SLC27A4: variants seen among roughly 807,000 people sequenced by gnomAD.
SLC27A4 encodes the protein solute carrier family 27 member 4.
Under a neutral mutation model 64.4 loss-of-function variants are expected in SLC27A4, and 33 were observed. The ratio of observed to expected loss-of-function variants is 0.51; its 90% confidence interval spans 0.39 to 0.68. The LOEUF (loss-of-function observed/expected upper bound fraction) is 0.68, where lower values mean the gene tolerates loss of function less well. Ranked by LOEUF, SLC27A4 falls within the 30% of genes least tolerant of loss-of-function variation. The pLI is 0.00. For missense variants in SLC27A4, 824 were observed against 883.5 expected (o/e 0.93, Z 0.85); for synonymous variants, 377 against 370.0 (o/e 1.02, Z -0.22).
intron 1 of SLC27A4, among the ~76,000 whole-genome samples, chr9:128,341,869 G>T (rs528776307): frequency 6.6e-6 from 1 of 152,192 alleles, no homozygotes; most frequent in Non-Finnish European, 1.5e-5. Context: ...CTCCTGAGTA[G>T]CTGGGGTTAC....
In SLC27A4 at chr9:128,360,292, G is replaced by A. The variant is rs370271117; in HGVS notation, c.1775-42G>A. 1.9e-5 allele frequency: 30 copies of A among 1,612,264 alleles called. No homozygotes were observed. The African/African-American group carries it at 2.5e-4, about 14-fold the overall frequency. ...CTGGTGGTTGGGAAGCTGGGAGCTC[G>A]GGCCCCTGCCCTGCACTGAGTCTTC... On this transcript the variant is annotated intron_variant, in intron 12 of 12. Transcript: ENST00000300456.
Position 128,360,517 on chromosome 9 carries a change from C to A in SLC27A4, c.*26C>A, listed in dbSNP as rs376796238. 1.2e-6 allele frequency: 2 copies of A among 1,612,208 alleles called. No individual in the cohort carries two copies. The highest frequency in any genetic ancestry group is 2.2e-5 in the East Asian group (1 of 44,882). ...TTCCCCCCATCCCTCTGAGGGCCGGCGGATGCTGGATCCGGAGCCCCAGGT... is the reference window on the plus strand; with the variant it reads ...TTCCCCCCATCCCTCTGAGGGCCGGAGGATGCTGGATCCGGAGCCCCAGGT... On this transcript the variant is annotated 3_prime_UTR_variant, in exon 13 of 13. Coordinates refer to ENST00000300456, the MANE Select transcript of SLC27A4 (RefSeq NM_005094.4).
chr9:128,345,665 A>G lies in SLC27A4; in HGVS notation c.556+116A>G. 3 of 1,255,126 alleles carry G rather than the reference A, an allele frequency of 2.4e-6. No homozygotes were observed. The highest frequency in any genetic ancestry group is 3.2e-6 in the Non-Finnish European group (3 of 930,458). The allele number at this position is 1,255,126 out of a possible 1,614,324, so 77.7% of individuals were successfully genotyped here. A position where few individuals can be genotyped will look rare whatever the true frequency, so the allele number is the denominator to read the frequency against. Reference sequence around the variant, plus strand: ...GTCAGTGGTTAAGGGCACAGAGTGGAGTCAGACAGCTTAGGCAGTGCCACG... The same window carrying G: ...GTCAGTGGTTAAGGGCACAGAGTGGGGTCAGACAGCTTAGGCAGTGCCACG... On this transcript the variant is annotated intron_variant, in intron 3 of 12. Transcript: ENST00000300456. This position sits in a 1 kb window ranked among gnomAD's most constrained non-coding sequence, Gnocchi z 4.1.
chr9:128,347,618 T>C (rs1430695144), intron 3 of SLC27A4, among the ~76,000 whole-genome samples: 1 of 150,198 alleles, frequency 6.7e-6, no homozygotes, highest in East Asian at 2.0e-4. Flanking sequence ...TCTTGGCTAC[T>C]CAGGAGGCTG....
chr9:128,355,394 C>T lies in SLC27A4; in HGVS notation c.1463-4C>T. ...CAGCCCTGCCTCATCCGGCCCCTCCCTAGGTGATGTGCTGGTGATGGACGA... is the reference window on the plus strand; with the variant it reads ...CAGCCCTGCCTCATCCGGCCCCTCCTTAGGTGATGTGCTGGTGATGGACGA... On this transcript the variant is annotated splice_region_variant and splice_polypyrimidine_tract_variant and intron_variant, in intron 10 of 12. Coordinates refer to ENST00000300456, the MANE Select transcript of SLC27A4 (RefSeq NM_005094.4). The T allele has an allele frequency of 6.2e-7, 1 of 1,613,614 alleles. No homozygotes were observed. Among genetic ancestry groups the T allele is most frequent in the Non-Finnish European group, 8.5e-7 (1 of 1,180,000 alleles).
intron 3 of SLC27A4, among the ~76,000 whole-genome samples, chr9:128,346,663 C>T (rs1278921943): frequency 6.6e-6 from 1 of 151,862 alleles, no homozygotes; most frequent in Non-Finnish European, 1.5e-5. Flanking sequence ...GATTGTGCCA[C>T]TTCACTCTAG....
At position 128,350,516 on chromosome 9, in the gene SLC27A4, G is replaced by C. The variant is rs372544813; in HGVS notation, c.818G>C (p.Gly273Ala). The C allele has an allele frequency of 1.2e-6, 2 of 1,614,088 alleles. No homozygotes were observed. Among genetic ancestry groups the C allele is most frequent in the Admixed American group, 1.7e-5 (1 of 60,012 alleles). Residue 273 changes from glycine (G) to alanine (A), a missense_variant, in exon 6 of 13, where the codon GGA becomes GCA. Transcript: ENST00000300456. ...CGCATGGCTGCCCTGGTGTACTATG[G>C]ATTCCGCATGCGGCCCAACGACATC... ...YYRMAALVYY[G>A]FRMRPNDIVY...
rs1259533147 is a variant in SLC27A4, at chr9:128,360,665, A to G, written c.*174A>G. 3.2e-5 allele frequency: 21 copies of G among 648,706 alleles called. No homozygotes were observed. In the East Asian group the frequency reaches 5.5e-4, roughly 17 times the overall value. 40.2% of individuals were successfully genotyped at this position (648,706 alleles called of 1,614,324 possible). A position where few individuals can be genotyped will look rare whatever the true frequency, so the allele number is the denominator to read the frequency against. ...GACTCATTGCCTTCCCAACCCTTCC[A>G]GAGGCTTTCTGTGAAAGTCTCATGT... On this transcript the variant is annotated 3_prime_UTR_variant, in exon 13 of 13. Coordinates refer to ENST00000300456, the MANE Select transcript of SLC27A4 (RefSeq NM_005094.4).
intron 12 of SLC27A4, among the ~76,000 whole-genome samples, chr9:128,357,557 G>A (rs1017620000): frequency 1.3e-5 from 2 of 152,240 alleles, no homozygotes; most frequent in East Asian, 1.9e-4. Flanking sequence ...GCTGGGAGAC[G>A]AGGGAGGGGC....
intron 9 of SLC27A4, 41 bp from the exon 10 acceptor site, chr9:128,355,012 G>T: frequency 6.3e-7 from 1 of 1,595,034 alleles, no homozygotes; most frequent in East Asian, 2.3e-5. Context: ...GGGTGGGAGA[G>T]GCTGCCTAGG....
In SLC27A4 at chr9:128,353,076, C is replaced by A; in HGVS notation, c.1039C>A (p.Arg347=). The change falls in exon 8 of 13, where the codon CGG becomes AGG. Residue 347 remains arginine, a synonymous_variant. Coordinates refer to ENST00000300456, the MANE Select transcript of SLC27A4 (RefSeq NM_005094.4). This position sits in a 1 kb window ranked among gnomAD's most constrained non-coding sequence, Gnocchi z 4.9. Reference sequence around the variant, plus strand: ...CCGCTACCTCCTGAACCAGCCACCGCGGGAGGCAGAAAACCAGCACCAGGT... The same window carrying A: ...CCGCTACCTCCTGAACCAGCCACCGAGGGAGGCAGAAAACCAGCACCAGGT... The part of the protein sequence containing the change: ...LCRYLLNQPP[R]EAENQHQVRM... 1 of 1,614,100 alleles carries A rather than the reference C, an allele frequency of 6.2e-7. No homozygotes were observed. Among genetic ancestry groups the A allele is most frequent in the Non-Finnish European group, 8.5e-7 (1 of 1,179,992 alleles).
intron 6 of SLC27A4, 83 bp downstream of exon 6, chr9:128,350,658 G>A: frequency 9.1e-7 from 1 of 1,099,564 alleles, no homozygotes; most frequent in Non-Finnish European, 1.4e-6. Flanking sequence ...TGCTGCAGTA[G>A]AAACACACAG....
intron 7 of SLC27A4, 48 bp downstream of exon 7, chr9:128,352,795 TC>T: frequency 7.2e-7 from 1 of 1,397,558 alleles, no homozygotes; most frequent in Non-Finnish European, 1.0e-6. Flanking sequence ...CTAGTTACCC[TC>T]TTCCCAACTA....
intron 3 of SLC27A4, among the ~76,000 whole-genome samples, chr9:128,347,109 C>T (rs1832669484): frequency 6.6e-6 from 1 of 152,180 alleles, no homozygotes; most frequent in Non-Finnish European, 1.5e-5. Context: ...GTATCTAGCT[C>T]ATCTGTAAAA....
rs1433112027 is a variant in SLC27A4 at position 128,345,875 on chromosome 9, C to T, written c.556+326C>T. On this transcript the variant is annotated intron_variant, in intron 3 of 12. Transcript: ENST00000300456. This position sits in a 1 kb window ranked among gnomAD's most constrained non-coding sequence, Gnocchi z 4.1. The stretch of plus-strand genomic sequence containing the variant: ...TTGAGCCCAGGAGTTTGAGACCAGC[C>T]TAGGCAACATAGTAAGACCCTGTCT... 6.6e-6 allele frequency among the ~76,000 whole-genome samples: 1 copy of T among 152,188 alleles called. No individual in the cohort carries two copies. Among genetic ancestry groups the T allele is most frequent in the Admixed American group, 6.5e-5 (1 of 15,282 alleles).
chr9:128,348,545 C>G lies in SLC27A4; in HGVS notation c.557C>G (p.Ala186Gly). The G allele has an allele frequency of 6.2e-7, 1 of 1,613,038 alleles. No homozygotes were observed. Among genetic ancestry groups the G allele is most frequent in the Non-Finnish European group, 8.5e-7 (1 of 1,180,042 alleles). The change falls in exon 4 of 13, where the codon GCC becomes GGC. Residue 186 changes from alanine (A) to glycine (G), a missense_variant and splice_region_variant. Ala to Gly is a moderately conservative substitution (Grantham distance 60). Transcript: ENST00000300456. ...TGCTGACTGCCCTGTCTCCCCACAG[C>G]CATCTGTGAGGTCCATGCCAGCCTG... ...ALVFGSEMAS[A>G]ICEVHASLDP...
rs142380653 is a variant in SLC27A4 at position 128,348,345 on chromosome 9, G to A, written c.557-200G>A. ...TGTGAGACCAGGGAATGCAGGTAAA[G>A]CGGACCTACTCTGTGGTTAGCCCAT... On this transcript the variant is annotated intron_variant, in intron 3 of 12. Transcript: ENST00000300456. Among the ~76,000 whole-genome samples the A allele has an allele frequency of 1.0e-3, 158 of 152,328 alleles. 1 individual carries two copies. The highest frequency in any genetic ancestry group is 3.6e-3 in the African/African-American group (148 of 41,584).
At chr9:128,354,406 T>G (rs1465748902) in intron 9 of SLC27A4, among the ~76,000 whole-genome samples, 4 of 152,114 alleles carry the variant, frequency 2.6e-5, no homozygotes, top group Non-Finnish European at 5.9e-5. Flanking sequence ...CACCCACACA[T>G]GGGGCTGGCC....
intron 6 of SLC27A4, among the ~76,000 whole-genome samples, chr9:128,351,007 G>A (rs1832727498): frequency 6.6e-6 from 1 of 152,074 alleles, no homozygotes; most frequent in African/African-American, 2.4e-5. Flanking sequence ...GCAGGAGAAT[G>A]GCGTGAACCC....
Sources: allele counts gnomAD v4.1 joint callset (sites outside exome capture counted in the v4.1 genomes callset), GRCh38; gene constraint gnomAD v4.1.1; non-coding constraint Gnocchi (gnomAD v3.1); transcripts MANE v1.5; gene names NCBI Gene and HGNC (gene_info 2026-07-23, HGNC 2026-07-21).